The following SYN3 variants were observed in gnomAD, a reference collection of about 807,000 sequenced individuals.
SYN3 encodes synapsin III, also known as synapsin-3.
In SYN3, 35 loss-of-function variants were observed where a neutral mutation model predicts 65.8. That is an observed-to-expected ratio of 0.53 (90% CI 0.41 to 0.70). SYN3 has a LOEUF of 0.70. SYN3 is among the 30% of genes least tolerant of loss of function. The pLI, the probability that SYN3 is intolerant of heterozygous loss-of-function variation, is 0.00. For synonymous variants in SYN3, 270 were observed against 292.9 expected (o/e 0.92, Z 0.80); for missense variants, 680 against 749.0 (o/e 0.91, Z 1.08).
intron 6 of SYN3, among the ~76,000 whole-genome samples, chr22:32,679,839 C>CTTTTTTTTTTGTTTTTTTT (rs2060497876): frequency 7.7e-5 from 3 of 39,148 alleles, no homozygotes; most frequent in Non-Finnish European, 9.3e-5. Context: ...TGTTTTTTGG[C>CTTTTTTTTTTGTTTTTTTT]TTTTTTTTTT....
intron 2 of SYN3, among the ~76,000 whole-genome samples, chr22:33,004,173 G>A (rs1185080572): frequency 9.9e-5 from 15 of 152,250 alleles, no homozygotes; most frequent in Non-Finnish European, 1.0e-4. Flanking sequence ...GGGCAGTGGG[G>A]ATGGGAAATG....
chr22:32,637,017 G>T (rs1450408806), intron 6 of SYN3, among the ~76,000 whole-genome samples: 1 of 152,234 alleles, frequency 6.6e-6, no homozygotes, highest in Non-Finnish European at 1.5e-5. Flanking sequence ...TCATCCTGCA[G>T]AGGTGGAGGT....
intron 4 of SYN3, among the ~76,000 whole-genome samples, chr22:32,889,046 T>A (rs1176978829): frequency 6.6e-6 from 1 of 152,198 alleles, no homozygotes; most frequent in African/African-American, 2.4e-5. Flanking sequence ...AGACATGGCA[T>A]CCCAAAGGGT....
At chr22:32,979,120 TCGGGAGA>T (rs2052296814) in intron 3 of SYN3, among the ~76,000 whole-genome samples, 2 of 149,052 alleles carry the variant, frequency 1.3e-5, no homozygotes, top group South Asian at 4.2e-4. Context: ...TCACTTGAAC[TCGGGAGA>T]CAGAGGTTGC....
At chr22:32,533,952 G>T in intron 9 of SYN3, 57 bp from the exon 10 acceptor site, 1 of 1,240,592 alleles carries the variant, frequency 8.1e-7, no homozygotes, top group Non-Finnish European at 1.2e-6. Context: ...GAAGCGGGTA[G>T]AGGGAGAGAA....
At chr22:32,924,656 G>A (rs1263954899) in intron 4 of SYN3, among the ~76,000 whole-genome samples, 1 of 152,224 alleles carries the variant, frequency 6.6e-6, no homozygotes, top group Non-Finnish European at 1.5e-5. Context: ...AGATCTCCCA[G>A]AGGTGTGTAA....
intron 6 of SYN3, among the ~76,000 whole-genome samples, chr22:32,627,559 C>T: frequency 6.6e-6 from 1 of 152,052 alleles, no homozygotes; most frequent in East Asian, 1.9e-4. Flanking sequence ...ACAGAGACAC[C>T]TCCCAAACCT....
chr22:33,003,589 G>C (rs942561503), intron 2 of SYN3, among the ~76,000 whole-genome samples: 26 of 152,180 alleles, frequency 1.7e-4, no homozygotes, highest in Admixed American at 4.6e-4. Context: ...GAACTTGAGA[G>C]AGATGATTTA....
At position 32,906,835 on chromosome 22, in the gene SYN3, A is replaced by G. The variant is rs142234222; in HGVS notation, c.461+24555T>C. Among the ~76,000 whole-genome samples, 420 of 152,196 alleles carry G rather than the reference A, an allele frequency of 2.8e-3. 8 individuals carry two copies. In the East Asian group the frequency reaches 0.073, roughly 26 times the overall value. ...ATCCATGTCCCTACAAAGGACATGAACTCATCCTCTTTTATGGCTGCATAG... is the reference window on the plus strand; with the variant it reads ...ATCCATGTCCCTACAAAGGACATGAGCTCATCCTCTTTTATGGCTGCATAG... On this transcript the variant is annotated intron_variant, in intron 4 of 13. Transcript: ENST00000358763.
chr22:32,862,169 C>T (rs2048561807), intron 6 of SYN3: 1 of 152,336 alleles, frequency 6.6e-6, no homozygotes, highest in Non-Finnish European at 1.5e-5. Context: ...ATTTACTTCA[C>T]CCCAAGTCCT....
At chr22:32,851,842 C>T (rs1274299752) in intron 6 of SYN3, among the ~76,000 whole-genome samples, 3 of 152,122 alleles carry the variant, frequency 2.0e-5, no homozygotes, top group Non-Finnish European at 4.4e-5. Context: ...TGGTCAGTGC[C>T]CTTCTATCCA....
intron 3 of SYN3, among the ~76,000 whole-genome samples, chr22:32,936,514 C>CA (rs2050780766): frequency 6.6e-6 from 1 of 152,108 alleles, no homozygotes; most frequent in Non-Finnish European, 1.5e-5. Context: ...AACAAACAAA[C>CA]AAAAAACCTC....
intron 6 of SYN3, among the ~76,000 whole-genome samples, chr22:32,779,952 G>C (rs2045994032): frequency 6.6e-6 from 1 of 151,692 alleles, no homozygotes; most frequent in Admixed American, 6.6e-5. Flanking sequence ...GCAAACCTCT[G>C]CATCTGCCTC....
intron 7 of SYN3, among the ~76,000 whole-genome samples, chr22:32,550,895 T>C (rs994817934): frequency 3.7e-4 from 56 of 152,088 alleles, no homozygotes; most frequent in African/African-American, 1.3e-3. Context: ...GACACATAAA[T>C]CAACTCAAAA....
chr22:33,052,138 C>T (rs1320360689), intron 1 of SYN3, among the ~76,000 whole-genome samples: 3 of 152,208 alleles, frequency 2.0e-5, no homozygotes, highest in Non-Finnish European at 2.9e-5. Flanking sequence ...GAGCTTGCAC[C>T]TGACCTTCAG....
intron 8 of SYN3, among the ~76,000 whole-genome samples, chr22:32,541,228 A>T (rs1436742123): frequency 6.6e-6 from 1 of 152,162 alleles, no homozygotes; most frequent in African/African-American, 2.4e-5. Flanking sequence ...GAAGAGAAAA[A>T]TACTCCAAAA....
At chr22:32,816,145 C>T (rs907692401) in intron 6 of SYN3, among the ~76,000 whole-genome samples, 13 of 152,132 alleles carry the variant, frequency 8.5e-5, no homozygotes, top group African/African-American at 1.9e-4. Flanking sequence ...TTGTCCATTC[C>T]GCCTTCCCAG....
chr22:32,567,303 T>C (rs1037624836), intron 7 of SYN3, among the ~76,000 whole-genome samples: 1 of 150,950 alleles, frequency 6.6e-6, no homozygotes, highest in Admixed American at 6.6e-5. Context: ...GCAGGTGCAA[T>C]AGAACGATGA....
At chr22:32,527,862 T>A in intron 12 of SYN3, 56 bp downstream of exon 12, 1 of 1,452,962 alleles carries the variant, frequency 6.9e-7, no homozygotes, top group Non-Finnish European at 9.4e-7. Flanking sequence ...GATCCCTCGG[T>A]GCATTTCAGC....
Sources: allele counts gnomAD v4.1 joint callset (sites outside exome capture counted in the v4.1 genomes callset), GRCh38; gene constraint gnomAD v4.1.1; transcripts MANE v1.5; gene names NCBI Gene and HGNC (gene_info 2026-07-23, HGNC 2026-07-21).